PTPRN2: variants seen among roughly 807,000 people sequenced by gnomAD.
PTPRN2 encodes the protein protein tyrosine phosphatase receptor type N2.
A neutral mutation model predicts 118.8 loss-of-function variants in PTPRN2; 74 were observed. The observed-to-expected ratio is 0.62, with a 90% CI of 0.52 to 0.76. PTPRN2 has a LOEUF of 0.76. Among genes scored for constraint, PTPRN2 ranks in the 30% least tolerant of loss-of-function variants. The probability of loss-of-function intolerance (pLI) is 0.00; values close to 1 mark genes in which losing one functional copy is unlikely to be tolerated. For synonymous variants in PTPRN2, 641 were observed against 608.0 expected (o/e 1.05, Z -0.80); for missense variants, 1,481 against 1,394.4 (o/e 1.06, Z -0.99).
chr7:157,843,899 C>T (rs1808606627), intron 12 of PTPRN2, among the ~76,000 whole-genome samples: 1 of 152,198 alleles, frequency 6.6e-6, no homozygotes, highest in African/African-American at 2.4e-5. Context: ...CTGGAGCAAA[C>T]AGGGCTCCAC....
chr7:158,259,558 G>A (rs1239560678), intron 3 of PTPRN2, among the ~76,000 whole-genome samples: 1 of 152,214 alleles, frequency 6.6e-6, no homozygotes, highest in African/African-American at 2.4e-5. Flanking sequence ...TCTGCCAAAG[G>A]TGGATTTATA....
At chr7:158,192,604 C>A in intron 4 of PTPRN2, 109 bp from the exon 5 acceptor site, 1 of 1,284,104 alleles carries the variant, frequency 7.8e-7, no homozygotes, top group Non-Finnish European at 1.0e-6. Flanking sequence ...GCCGGGCTCT[C>A]GGTGGCCGGC....
intron 12 of PTPRN2, among the ~76,000 whole-genome samples, chr7:157,762,444 G>C (rs1698123962): frequency 1.3e-5 from 2 of 151,996 alleles, no homozygotes; most frequent in Admixed American, 1.3e-4. Flanking sequence ...GTCCTTTGTA[G>C]GGACATGGAT....
chr7:157,748,762 C>G (rs1416280472), intron 12 of PTPRN2, among the ~76,000 whole-genome samples: 1 of 116,466 alleles, frequency 8.6e-6, no homozygotes, highest in African/African-American at 3.6e-5. Context: ...ATTCTGAGGC[C>G]TGCGTCCCTG....
chr7:158,182,727 G>C (rs1274033683), intron 5 of PTPRN2, among the ~76,000 whole-genome samples: 3 of 152,172 alleles, frequency 2.0e-5, no homozygotes, highest in African/African-American at 7.2e-5. Context: ...CTATTTTGGA[G>C]AATGTTCCAT....
At chr7:158,331,931 TCACTCA>T (rs1365998423) in intron 2 of PTPRN2, among the ~76,000 whole-genome samples, 4 of 150,380 alleles carry the variant, frequency 2.7e-5, no homozygotes, top group South Asian at 2.1e-4. Flanking sequence ...CCCGCAGATG[TCACTCA>T]CACTCACACT....
intron 3 of PTPRN2, among the ~76,000 whole-genome samples, chr7:158,316,566 C>CG (rs1211725864): frequency 1.2e-4 from 18 of 152,150 alleles, no homozygotes; most frequent in Non-Finnish European, 1.0e-4. Context: ...GGCCCAGCTG[C>CG]GGGCCACTGC....
At chr7:157,558,685 C>T (rs983894509) in intron 21 of PTPRN2, among the ~76,000 whole-genome samples, 4 of 152,230 alleles carry the variant, frequency 2.6e-5, no homozygotes, top group East Asian at 1.9e-4. Context: ...CCTCCCAGGC[C>T]GCACTGACTG....
chr7:158,066,030 C>T (rs1330565141), intron 11 of PTPRN2, among the ~76,000 whole-genome samples: 1 of 152,222 alleles, frequency 6.6e-6, no homozygotes, highest in Non-Finnish European at 1.5e-5. Context: ...TTCCATGCCT[C>T]AGTTTACCTA....
At chr7:157,595,518 A>T (rs968330217) in intron 16 of PTPRN2, among the ~76,000 whole-genome samples, 29 of 114,830 alleles carry the variant, frequency 2.5e-4, no homozygotes, top group African/African-American at 1.1e-3. Flanking sequence ...CCCGGAGGTT[A>T]GGAAGCCAGA....
intron 2 of PTPRN2, among the ~76,000 whole-genome samples, chr7:158,318,210 C>G (rs1252338414): frequency 6.6e-6 from 1 of 152,166 alleles, no homozygotes; most frequent in Non-Finnish European, 1.5e-5. Flanking sequence ...CAGATGTGCC[C>G]GCTCCTTTGC....
chr7:158,252,668 G>A (rs773774139), intron 3 of PTPRN2, among the ~76,000 whole-genome samples: 3 of 152,156 alleles, frequency 2.0e-5, no homozygotes, highest in African/African-American at 4.8e-5. Flanking sequence ...GCACAGACGC[G>A]TGACAGGCAC....
chr7:158,140,598 C>T (rs1331434060), intron 6 of PTPRN2, among the ~76,000 whole-genome samples: 1 of 152,180 alleles, frequency 6.6e-6, no homozygotes, highest in Non-Finnish European at 1.5e-5. Context: ...AGAGAATCCA[C>T]AGAATCCTGT....
intron 12 of PTPRN2, among the ~76,000 whole-genome samples, chr7:157,757,372 A>G (rs1226417700): frequency 1.3e-5 from 2 of 152,160 alleles, no homozygotes; most frequent in African/African-American, 2.4e-5. Context: ...GGGAGAGCAG[A>G]GAGACATGCT....
At chr7:158,188,293 G>A (rs1293588873) in intron 5 of PTPRN2, among the ~76,000 whole-genome samples, 9 of 110,886 alleles carry the variant, frequency 8.1e-5, no homozygotes, top group East Asian at 3.3e-4. Context: ...AGGCCGCCAC[G>A]CTCGCCCCCT....
chr7:158,141,106 A>T (rs1461527827), intron 6 of PTPRN2, among the ~76,000 whole-genome samples: 1 of 152,080 alleles, frequency 6.6e-6, no homozygotes, highest in Non-Finnish European at 1.5e-5. Flanking sequence ...CCTCCACCCT[A>T]GACAGGTCCC....
At chr7:158,139,940 T>TGAAATAC (rs1164702728) in intron 6 of PTPRN2, among the ~76,000 whole-genome samples, 2 of 144,246 alleles carry the variant, frequency 1.4e-5, no homozygotes, top group Non-Finnish European at 3.1e-5. Context: ...ATATCACGTA[T>TGAAATAC]GTGAACAAAG....
intron 3 of PTPRN2, among the ~76,000 whole-genome samples, chr7:158,270,918 GGACCACCCCCCCCACC>G (rs1798403715): frequency 1.5e-5 from 1 of 67,456 alleles, no homozygotes; most frequent in Non-Finnish European, 2.8e-5. Flanking sequence ...CCCCCCACCT[GGACCACCCCCCCCACC>G]TGGACCACCC....
intron 1 of PTPRN2, among the ~76,000 whole-genome samples, chr7:158,493,207 A>G (rs962793525): frequency 2.2e-4 from 33 of 152,370 alleles, no homozygotes; most frequent in African/African-American, 7.9e-4. Flanking sequence ...AGAGACAAGC[A>G]CATCCAGTCA....
Sources: gnomAD v4.1 joint callset for allele counts (sites outside exome capture counted in the v4.1 genomes callset) on GRCh38, gnomAD v4.1.1 for gene constraint, MANE v1.5 for transcripts, NCBI Gene and HGNC (gene_info 2026-07-23, HGNC 2026-07-21) for gene names.